ADAMTS16: variants seen among roughly 807,000 people sequenced by gnomAD.
The protein encoded by ADAMTS16 is A disintegrin and metalloproteinase with thrombospondin motifs 16.
ADAMTS16 carries 94 observed loss-of-function variants against 145.8 expected under a neutral mutation model. The observed-to-expected ratio is 0.64, with a 90% CI of 0.55 to 0.77. The LOEUF is 0.77. Among genes scored for constraint, ADAMTS16 ranks in the 30% least tolerant of loss-of-function variants. The probability of loss-of-function intolerance (pLI) is 0.00; values close to 1 mark genes in which losing one functional copy is unlikely to be tolerated. For missense variants in ADAMTS16, 1,585 were observed against 1,591.5 expected (o/e 1.00, Z 0.07); for synonymous variants, 659 against 604.3 (o/e 1.09, Z -1.33).
chr5:5,155,538 A>G (rs772599042), intron 3 of ADAMTS16, among the ~76,000 whole-genome samples: 6 of 152,238 alleles, frequency 3.9e-5, no homozygotes, highest in Admixed American at 2.6e-4. Context: ...GGGGCTGAAG[A>G]AACTAAGGGG....
intron 3 of ADAMTS16, among the ~76,000 whole-genome samples, chr5:5,168,837 T>C (rs1206796648): frequency 6.7e-6 from 1 of 149,708 alleles, no homozygotes; most frequent in Non-Finnish European, 1.5e-5. Flanking sequence ...TCTTCTTTTC[T>C]TTTTGATCTA....
At chr5:5,285,715 C>A (rs954842896) in intron 18 of ADAMTS16, among the ~76,000 whole-genome samples, 2 of 152,202 alleles carry the variant, frequency 1.3e-5, no homozygotes, top group African/African-American at 2.4e-5. Flanking sequence ...GGTTCAGAGA[C>A]TTGCAATAGA....
intron 4 of ADAMTS16, among the ~76,000 whole-genome samples, chr5:5,184,796 C>T (rs182492266): frequency 5.7e-4 from 86 of 152,146 alleles, no homozygotes; most frequent in South Asian, 4.2e-4. Context: ...CACCACCCCA[C>T]GGAGTTTCTG....
chr5:5,251,736 T>G (rs1277701497), intron 17 of ADAMTS16, among the ~76,000 whole-genome samples: 1 of 152,240 alleles, frequency 6.6e-6, no homozygotes, highest in Admixed American at 6.5e-5. Flanking sequence ...CTCTGCATCG[T>G]AGGACCCCAG....
chr5:5,163,506 A>G (rs1004746471), intron 3 of ADAMTS16, among the ~76,000 whole-genome samples: 1 of 152,204 alleles, frequency 6.6e-6, no homozygotes, highest in Non-Finnish European at 1.5e-5. Flanking sequence ...GAATGGTCAA[A>G]TTTGGTAGCC....
chr5:5,163,250 T>C (rs1330699267), intron 3 of ADAMTS16, among the ~76,000 whole-genome samples: 1 of 152,254 alleles, frequency 6.6e-6, no homozygotes, highest in East Asian at 1.9e-4. Flanking sequence ...AAATTCTTTT[T>C]AGAAACCTTT....
At chr5:5,176,653 C>A (rs1353795870) in intron 3 of ADAMTS16, among the ~76,000 whole-genome samples, 1 of 152,128 alleles carries the variant, frequency 6.6e-6, no homozygotes, top group Admixed American at 6.5e-5. Context: ...CATATAGATA[C>A]AGGAATGGTT....
chr5:5,236,302 T>C (rs1170165565), intron 13 of ADAMTS16, among the ~76,000 whole-genome samples: 4 of 35,874 alleles, frequency 1.1e-4, no homozygotes, highest in African/African-American at 2.4e-4. Flanking sequence ...GTCCCTCCCC[T>C]TTTTTTTTTA....
At chr5:5,267,608 C>T (rs1048212069) in intron 18 of ADAMTS16, among the ~76,000 whole-genome samples, 3 of 152,118 alleles carry the variant, frequency 2.0e-5, no homozygotes, top group African/African-American at 7.2e-5. Context: ...GTGTTTCTCT[C>T]GATGTCAAAT....
chr5:5,279,387 TC>T (rs1194702918), intron 18 of ADAMTS16, among the ~76,000 whole-genome samples: 1 of 152,196 alleles, frequency 6.6e-6, no homozygotes, highest in Non-Finnish European at 1.5e-5. Context: ...GTTCCTCTAA[TC>T]CCCAGTCCTT....
chr5:5,180,589 T>C (rs1735313334), intron 3 of ADAMTS16, among the ~76,000 whole-genome samples: 1 of 152,210 alleles, frequency 6.6e-6, no homozygotes, highest in Non-Finnish European at 1.5e-5. Context: ...ACAATTTCTC[T>C]TCAGTCATCC....
intron 10 of ADAMTS16, among the ~76,000 whole-genome samples, chr5:5,214,056 G>T (rs980281907): frequency 6.6e-6 from 1 of 152,202 alleles, no homozygotes; most frequent in African/African-American, 2.4e-5. Context: ...CCCAACAGCG[G>T]GGTCTGCAAA....
chr5:5,291,259 A>G (rs1215489977), intron 18 of ADAMTS16, among the ~76,000 whole-genome samples: 1 of 152,118 alleles, frequency 6.6e-6, no homozygotes, highest in Admixed American at 6.5e-5. Flanking sequence ...GATGTATATA[A>G]TAAGTATAAA....
At chr5:5,229,091 G>A (rs1162362568) in intron 11 of ADAMTS16, among the ~76,000 whole-genome samples, 1 of 151,958 alleles carries the variant, frequency 6.6e-6, no homozygotes, top group Non-Finnish European at 1.5e-5. Flanking sequence ...GAGGTCAGGA[G>A]ATCGAGACCA....
At chr5:5,215,966 C>CA (rs1286616290) in intron 10 of ADAMTS16, among the ~76,000 whole-genome samples, 3 of 145,114 alleles carry the variant, frequency 2.1e-5, no homozygotes, top group East Asian at 4.0e-4. Context: ...GTTGGTTTCA[C>CA]AATTTTGCAA....
intron 18 of ADAMTS16, among the ~76,000 whole-genome samples, chr5:5,271,873 T>C (rs534936478): frequency 1.5e-4 from 23 of 152,284 alleles, no homozygotes; most frequent in Non-Finnish European, 3.1e-4. Context: ...TTATTCTTCT[T>C]GCTTATACAA....
intron 8 of ADAMTS16, 142 bp from the exon 9 acceptor site, chr5:5,199,990 A>T (rs1046465128): frequency 1.0e-6 from 1 of 967,552 alleles, no homozygotes; most frequent in Non-Finnish European, 1.5e-6. Context: ...ACCAATTGGC[A>T]GTTGTGACTT....
At chr5:5,268,896 G>C (rs1012254159) in intron 18 of ADAMTS16, among the ~76,000 whole-genome samples, 2 of 152,222 alleles carry the variant, frequency 1.3e-5, no homozygotes, top group African/African-American at 2.4e-5. Flanking sequence ...AGTCGAGCCT[G>C]GTGACCTGGA....
At chr5:5,254,753 A>T (rs891861384) in intron 17 of ADAMTS16, among the ~76,000 whole-genome samples, 4 of 152,004 alleles carry the variant, frequency 2.6e-5, no homozygotes, top group Admixed American at 6.6e-5. Flanking sequence ...TTATCTGGTG[A>T]TTTATTTCTT....
Sources: gnomAD v4.1 joint callset for allele counts (sites outside exome capture counted in the v4.1 genomes callset) on GRCh38, gnomAD v4.1.1 for gene constraint, MANE v1.5 for transcripts, NCBI Gene and HGNC (gene_info 2026-07-23, HGNC 2026-07-21) for gene names.